The following TMEFF1 variants were observed in gnomAD, a reference collection of about 807,000 sequenced individuals.
The protein encoded by TMEFF1 is tomoregulin-1.
A neutral mutation model predicts 47.5 loss-of-function variants in TMEFF1; 20 were observed. The ratio of observed to expected loss-of-function variants is 0.42; its 90% CI spans 0.30 to 0.61. The LOEUF is 0.61. Ranked by LOEUF, TMEFF1 falls within the 20% of genes least tolerant of loss-of-function variation. The pLI, the probability that TMEFF1 is intolerant of heterozygous loss-of-function variation, is 0.19. For missense variants in TMEFF1, 411 were observed against 471.1 expected (o/e 0.87, Z 1.18); for synonymous variants, 162 against 166.3 (o/e 0.97, Z 0.20).
chr9:100,482,268 G>A (rs1469051690), intron 1 of TMEFF1, among the ~76,000 whole-genome samples: 1 of 147,656 alleles, frequency 6.8e-6, no homozygotes, highest in African/African-American at 2.5e-5. Context: ...CTTGATCTTT[G>A]CTCACTGCAA....
chr9:100,568,658 A>G (rs1839172415), intron 8 of TMEFF1, among the ~76,000 whole-genome samples: 1 of 151,786 alleles, frequency 6.6e-6, no homozygotes, highest in African/African-American at 2.4e-5. Context: ...CCATCACCAC[A>G]ATCAATTTTA....
intron 6 of TMEFF1, among the ~76,000 whole-genome samples, chr9:100,548,710 A>G (rs1451993790): frequency 1.3e-5 from 2 of 152,238 alleles, no homozygotes; most frequent in Non-Finnish European, 2.9e-5. Context: ...AAAAGGTTGT[A>G]AGCCAAAATT....
intron 1 of TMEFF1, among the ~76,000 whole-genome samples, chr9:100,481,092 C>G (rs1204439983): frequency 2.0e-5 from 3 of 152,222 alleles, no homozygotes; most frequent in Non-Finnish European, 2.9e-5. Context: ...GTTGTTTGCT[C>G]TAATGTCACC....
intron 8 of TMEFF1, among the ~76,000 whole-genome samples, chr9:100,564,881 A>T (rs1311539466): frequency 1.3e-5 from 2 of 152,160 alleles, no homozygotes; most frequent in East Asian, 3.9e-4. Context: ...AGGTGGTTGA[A>T]CTCACAGATG....
In TMEFF1 at chr9:100,549,333, CA is replaced by C. The variant is rs541602253; in HGVS notation, c.710-761del. On this transcript the variant is annotated intron_variant, in intron 6 of 9. Coordinates refer to ENST00000374879, the MANE Select transcript of TMEFF1 (RefSeq NM_003692.5). Reference sequence around the variant, plus strand: ...GAGAACTCACTCACTATTATGAGAACAGCGAGAGGGAAATCTGCCCCCCATG... The same window carrying C: ...GAGAACTCACTCACTATTATGAGAACGCGAGAGGGAAATCTGCCCCCCATG... Among the ~76,000 whole-genome samples, 13 of 152,248 alleles carry C rather than the reference CA, an allele frequency of 8.5e-5. No homozygotes were observed. In the South Asian group the frequency reaches 2.7e-3, roughly 32 times the overall value.
At position 100,482,355 on chromosome 9, in the gene TMEFF1, G is replaced by A. The variant is rs576490917; in HGVS notation, c.196+8615G>A. On this transcript the variant is annotated intron_variant, in intron 1 of 9. Transcript: ENST00000374879. Reference sequence around the variant, plus strand: ...TGGGATTACAGGTGCACGCCACCACGCCTGGCTAATTTTTGAATTTTTAGT... The same window carrying A: ...TGGGATTACAGGTGCACGCCACCACACCTGGCTAATTTTTGAATTTTTAGT... 5.3e-5 allele frequency among the ~76,000 whole-genome samples: 8 copies of A among 151,854 alleles called. No individual in the cohort carries two copies. In the South Asian group the frequency reaches 6.2e-4, roughly 12 times the overall value.
chr9:100,523,127 C>G (rs543027943), intron 5 of TMEFF1, among the ~76,000 whole-genome samples: 12 of 152,320 alleles, frequency 7.9e-5, no homozygotes, highest in African/African-American at 2.2e-4. Context: ...TAATCTCTTG[C>G]AATTTTCTGA....
At chr9:100,566,223 C>G (rs969302078) in intron 8 of TMEFF1, among the ~76,000 whole-genome samples, 2 of 152,204 alleles carry the variant, frequency 1.3e-5, no homozygotes, top group African/African-American at 4.8e-5. Context: ...CAGTCCTCTT[C>G]TCTTACAGAT....
At chr9:100,508,891 A>C in intron 2 of TMEFF1, 114 bp from the exon 3 acceptor site, 1 of 1,183,490 alleles carries the variant, frequency 8.4e-7, no homozygotes, top group Non-Finnish European at 1.1e-6. Context: ...AAAAAACCCC[A>C]GACTATTCAG....
intron 1 of TMEFF1, among the ~76,000 whole-genome samples, chr9:100,494,229 AAGT>A (rs1837611995): frequency 6.6e-6 from 1 of 151,068 alleles, no homozygotes; most frequent in East Asian, 1.9e-4. Flanking sequence ...AAAAAAAAAA[AAGT>A]AAGGTGTCAG....
chr9:100,546,674 C>T (rs1038063845), intron 5 of TMEFF1, among the ~76,000 whole-genome samples: 15 of 152,204 alleles, frequency 9.9e-5, no homozygotes, highest in African/African-American at 3.6e-4. Context: ...TTCTTACCAA[C>T]TTGTGAATGT....
chr9:100,478,173 A>C (rs1440101371), intron 1 of TMEFF1, among the ~76,000 whole-genome samples: 1 of 152,146 alleles, frequency 6.6e-6, no homozygotes, highest in East Asian at 1.9e-4. Context: ...TCCTTTTATC[A>C]GATTTCTGAC....
intron 7 of TMEFF1, among the ~76,000 whole-genome samples, chr9:100,550,950 TCA>T (rs1031960352): frequency 6.6e-6 from 1 of 152,262 alleles, no homozygotes; most frequent in Non-Finnish European, 1.5e-5. Flanking sequence ...TTGCTTGTTT[TCA>T]CATCCATTAT....
chr9:100,495,607 G>A (rs1837637153), intron 1 of TMEFF1, among the ~76,000 whole-genome samples: 1 of 152,136 alleles, frequency 6.6e-6, no homozygotes, highest in Non-Finnish European at 1.5e-5. Context: ...GTACCTAGTA[G>A]ATGCTTAGTA....
chr9:100,535,353 A>G (rs945293862), intron 5 of TMEFF1, among the ~76,000 whole-genome samples: 2 of 152,220 alleles, frequency 1.3e-5, no homozygotes, highest in Non-Finnish European at 1.5e-5. Context: ...TACTTAATTC[A>G]TATCATTTAA....
chr9:100,478,384 A>G (rs1321430001), intron 1 of TMEFF1, among the ~76,000 whole-genome samples: 1 of 152,098 alleles, frequency 6.6e-6, no homozygotes, highest in Non-Finnish European at 1.5e-5. Context: ...GTAGTGACGC[A>G]ATCTCAGCTT....
intron 4 of TMEFF1, among the ~76,000 whole-genome samples, chr9:100,514,584 C>T (rs1214406559): frequency 6.6e-6 from 1 of 151,670 alleles, no homozygotes; most frequent in Non-Finnish European, 1.5e-5. Context: ...GGCGCAGTGG[C>T]TCATGCCTAA....
At chr9:100,565,877 A>G (rs953056292) in intron 8 of TMEFF1, among the ~76,000 whole-genome samples, 1 of 152,014 alleles carries the variant, frequency 6.6e-6, no homozygotes, top group African/African-American at 2.4e-5. Flanking sequence ...CCTTTCCTTC[A>G]TAGAACTCAA....
intron 3 of TMEFF1, among the ~76,000 whole-genome samples, chr9:100,512,930 T>C (rs1330629049): frequency 6.6e-6 from 1 of 152,118 alleles, no homozygotes; most frequent in Non-Finnish European, 1.5e-5. Flanking sequence ...AAAAGCAGCT[T>C]ATTCATTATT....
Sources: allele counts gnomAD v4.1 joint callset (sites outside exome capture counted in the v4.1 genomes callset), GRCh38; gene constraint gnomAD v4.1.1; transcripts MANE v1.5; gene names NCBI Gene and HGNC (gene_info 2026-07-23, HGNC 2026-07-21).